Variants in ADGRL3 observed in about 807,000 individuals in gnomAD.
ADGRL3 encodes calcium-independent alpha-latrotoxin receptor 3.
ADGRL3 carries 62 observed loss-of-function variants against 153.5 expected under a neutral mutation model. The ratio of observed to expected loss-of-function variants is 0.40; its 90% confidence interval spans 0.33 to 0.50. The LOEUF (loss-of-function observed/expected upper bound fraction) is 0.50. Among genes scored for constraint, ADGRL3 ranks in the 20% least tolerant of loss-of-function variants. The pLI is 0.47. For missense variants in ADGRL3, 1,641 were observed against 1,859.4 expected (o/e 0.88, Z 2.16); for synonymous variants, 710 against 672.5 (o/e 1.06, Z -0.86).
At chr4:61,463,103 A>G (rs1364579099) in intron 2 of ADGRL3, among the ~76,000 whole-genome samples, 1 of 152,206 alleles carries the variant, frequency 6.6e-6, no homozygotes, top group Non-Finnish European at 1.5e-5. Context: ...GTTTCTAGAT[A>G]TGGTTAAAGG....
At chr4:61,727,524 A>G (rs2096369955) in intron 6 of ADGRL3, among the ~76,000 whole-genome samples, 1 of 152,164 alleles carries the variant, frequency 6.6e-6, no homozygotes, top group East Asian at 1.9e-4. Flanking sequence ...GCCCTTGCAC[A>G]GTTGTCATCA....
intron 13 of ADGRL3, among the ~76,000 whole-genome samples, chr4:61,915,254 A>T (rs1268754614): frequency 6.7e-6 from 1 of 148,688 alleles, no homozygotes; most frequent in African/African-American, 2.4e-5. Context: ...GTTTATATAC[A>T]TATACATATA....
chr4:61,370,829 A>G (rs999679667), intron 1 of ADGRL3, among the ~76,000 whole-genome samples: 6 of 152,006 alleles, frequency 3.9e-5, no homozygotes, highest in African/African-American at 7.3e-5. Context: ...TGACAGTGGG[A>G]TGTTAAAGTC....
intron 9 of ADGRL3, among the ~76,000 whole-genome samples, chr4:61,882,172 T>C (rs2098512456): frequency 6.6e-6 from 1 of 152,180 alleles, no homozygotes. Context: ...GTTTCAAGTT[T>C]AAACAATAAT....
chr4:61,634,084 T>C (rs1560969210), intron 5 of ADGRL3, among the ~76,000 whole-genome samples: 1 of 152,182 alleles, frequency 6.6e-6, no homozygotes, highest in South Asian at 2.1e-4. Flanking sequence ...AGTATGAGTA[T>C]TGTTTTGACA....
rs1455497206 is a variant in ADGRL3 at position 61,639,277 on chromosome 4, T to C, written c.474-37549T>C. ...TGATTATTAAAAGATCTAAAGTTTT[T>C]GAGGCCTTTGGTCTTTATAAGTGTC... On this transcript the variant is annotated intron_variant, in intron 5 of 26. Coordinates refer to ENST00000683033, the MANE Select transcript of ADGRL3 (RefSeq NM_001387552.1). Among the ~76,000 whole-genome samples the C allele has an allele frequency of 2.0e-5, 3 of 152,156 alleles. No individual in the cohort carries two copies. In the East Asian group the frequency reaches 5.8e-4, roughly 29 times the overall value.
chr4:61,482,218 A>AC (rs1353313009), intron 2 of ADGRL3, among the ~76,000 whole-genome samples: 2 of 152,194 alleles, frequency 1.3e-5, no homozygotes, highest in African/African-American at 4.8e-5. Flanking sequence ...GTACTTACTG[A>AC]ATTAAACAAT....
chr4:61,681,958 T>C (rs1329912863), intron 6 of ADGRL3, among the ~76,000 whole-genome samples: 3 of 152,018 alleles, frequency 2.0e-5, no homozygotes, highest in African/African-American at 7.2e-5. Flanking sequence ...TCAATAAATA[T>C]GTATTGAAGG....
At chr4:61,355,272 A>C (rs1286602015) in intron 1 of ADGRL3, among the ~76,000 whole-genome samples, 2 of 152,044 alleles carry the variant, frequency 1.3e-5, no homozygotes. Context: ...ATTGTGACTG[A>C]TTTTTGTTAA....
chr4:61,306,378 G>T (rs930255039), intron 1 of ADGRL3, among the ~76,000 whole-genome samples: 1 of 152,064 alleles, frequency 6.6e-6, no homozygotes, highest in Admixed American at 6.6e-5. Flanking sequence ...GATTACAGGC[G>T]TGAGTCACCC....
intron 5 of ADGRL3, among the ~76,000 whole-genome samples, chr4:61,606,870 G>A (rs1311208373): frequency 2.6e-5 from 4 of 152,188 alleles, no homozygotes; most frequent in East Asian, 3.9e-4. Context: ...CCAGATATGA[G>A]AGGATTGATT....
chr4:61,437,880 G>C (rs965597618), intron 2 of ADGRL3, among the ~76,000 whole-genome samples: 6 of 152,090 alleles, frequency 3.9e-5, no homozygotes, highest in Non-Finnish European at 8.8e-5. Flanking sequence ...CCACACTTCA[G>C]TGTCCAGGTG....
chr4:61,672,275 T>G (rs1309661830), intron 5 of ADGRL3, among the ~76,000 whole-genome samples: 2 of 152,152 alleles, frequency 1.3e-5, no homozygotes, highest in African/African-American at 4.8e-5. Flanking sequence ...CATGTAGATA[T>G]CCAGTTTCCC....
chr4:61,496,410 T>A (rs2098316126), intron 2 of ADGRL3, among the ~76,000 whole-genome samples: 1 of 152,152 alleles, frequency 6.6e-6, no homozygotes. Context: ...ATGCCTGTAA[T>A]CCCAGCACTT....
At chr4:61,338,595 G>A (rs1407965904) in intron 1 of ADGRL3, among the ~76,000 whole-genome samples, 1 of 152,126 alleles carries the variant, frequency 6.6e-6, no homozygotes, top group African/African-American at 2.4e-5. Flanking sequence ...TTTTGAGTGA[G>A]ACTCTGCTCA....
chr4:62,062,922 ATATTT>A (rs935529141), intron 25 of ADGRL3, among the ~76,000 whole-genome samples: 25 of 152,080 alleles, frequency 1.6e-4, no homozygotes, highest in Admixed American at 2.0e-4. Context: ...ATGAGTGATT[ATATTT>A]TATTTTATTT....
At chr4:61,553,163 A>T (rs1276991868) in intron 4 of ADGRL3, among the ~76,000 whole-genome samples, 1 of 152,218 alleles carries the variant, frequency 6.6e-6, no homozygotes, top group Non-Finnish European at 1.5e-5. Flanking sequence ...TTGCCTGGAC[A>T]GATCTCTCTT....
intron 2 of ADGRL3, among the ~76,000 whole-genome samples, chr4:61,435,581 T>A (rs1254028158): frequency 2.0e-5 from 3 of 152,186 alleles, no homozygotes; most frequent in African/African-American, 7.2e-5. Flanking sequence ...TTGTATTTTA[T>A]ATATTTTTGT....
chr4:61,992,446 C>CA (rs1160483063), intron 19 of ADGRL3, among the ~76,000 whole-genome samples: 1 of 152,140 alleles, frequency 6.6e-6, no homozygotes, highest in Non-Finnish European at 1.5e-5. Context: ...GGACAGGAAT[C>CA]ATGCAAATTT....
Sources: gnomAD v4.1 joint callset for allele counts (sites outside exome capture counted in the v4.1 genomes callset) on GRCh38, gnomAD v4.1.1 for gene constraint, MANE v1.5 for transcripts, NCBI Gene and HGNC (gene_info 2026-07-23, HGNC 2026-07-21) for gene names.